ZBTB26: variants seen among roughly 807,000 people sequenced by gnomAD.
ZBTB26 encodes the protein zinc finger and BTB domain-containing protein 26.
Under a neutral mutation model 31.6 loss-of-function variants are expected in ZBTB26, and 12 were observed. That is an observed-to-expected ratio of 0.38 (90% CI 0.24 to 0.61). The LOEUF (loss-of-function observed/expected upper bound fraction) is 0.61, where lower values mean the gene tolerates loss of function less well. ZBTB26 is among the 20% of genes least tolerant of loss of function. ZBTB26 has a pLI of 0.60. For missense variants in ZBTB26, 311 were observed against 521.9 expected, an observed-to-expected ratio of 0.60 and a Z score of 3.94; for synonymous variants, 155 against 182.9, an observed-to-expected ratio of 0.85 and a Z score of 1.23.
Position 122,919,866 on chromosome 9 carries a change from C to A in ZBTB26, c.69G>T (p.Met23Ile), listed in dbSNP as rs1833070550. The part of the protein sequence containing the change: ...ENYGDSMLQK[M>I]NKLREENKFC... Reference sequence around the variant, plus strand: ...ATTTATTCTCTTCTCTTAATTTGTTCATTTTTTGTAACATTGAATCTCCAT... The same window carrying A: ...ATTTATTCTCTTCTCTTAATTTGTTAATTTTTTGTAACATTGAATCTCCAT... Residue 23 changes from methionine to isoleucine, a missense_variant, in exon 2 of 2, where the codon ATG becomes ATT. Physicochemically the swap from Met to Ile is conservative, Grantham distance 10. Coordinates refer to ENST00000373656, the MANE Select transcript of ZBTB26 (RefSeq NM_020924.4). The surrounding 1 kb of genome is among the most constrained non-coding windows in gnomAD (Gnocchi z 6.1). 2 of 1,612,108 alleles carry A rather than the reference C, an allele frequency of 1.2e-6. No individual in the cohort carries two copies. The highest frequency in any genetic ancestry group is 1.7e-5 in the Admixed American group (1 of 59,768).
chr9:122,924,257 T>C (rs1833144003), intron 1 of ZBTB26, among the ~76,000 whole-genome samples: 2 of 152,226 alleles, frequency 1.3e-5, no homozygotes, highest in Admixed American at 6.5e-5. Context: ...GCAAAATTTA[T>C]TGGTTTCTTA....
chr9:122,931,373 AG>A (rs1209330392), intron 1 of ZBTB26, 63 bp downstream of exon 1: 3 of 152,450 alleles, frequency 2.0e-5, no homozygotes, highest in Non-Finnish European at 4.4e-5. Context: ...CCAGGGCCCC[AG>A]GGGGGTTCCA....
At position 122,916,500 on chromosome 9, in the gene ZBTB26, A is replaced by G. The variant is rs1833018787; in HGVS notation, c.*2109T>C. On this transcript the variant is annotated 3_prime_UTR_variant, in exon 2 of 2. Coordinates refer to ENST00000373656, the MANE Select transcript of ZBTB26 (RefSeq NM_020924.4). Reference sequence around the variant, plus strand: ...GCCTTTTAGTCTTCAAACCAGTAACAAAAACAAGACATGAATGTGAGCAAA... The same window carrying G: ...GCCTTTTAGTCTTCAAACCAGTAACGAAAACAAGACATGAATGTGAGCAAA... 6.6e-6 allele frequency: 1 copy of G among 152,234 alleles called. No homozygotes were observed. Among genetic ancestry groups the G allele is most frequent in the Non-Finnish European group, 1.5e-5 (1 of 68,036 alleles). The allele number at this position is 152,234 out of a possible 1,614,324, so 9.4% of individuals were successfully genotyped here.
chr9:122,921,306 A>C (rs1289293093), intron 1 of ZBTB26, among the ~76,000 whole-genome samples: 7 of 152,254 alleles, frequency 4.6e-5, no homozygotes, highest in Non-Finnish European at 8.8e-5. Flanking sequence ...TGACATAATG[A>C]ATTGACATTC....
rs918484347 is a variant in ZBTB26, at chr9:122,917,981, G to A, written c.*628C>T. The A allele has an allele frequency of 3.3e-5, 5 of 152,570 alleles. No individual in the cohort carries two copies. The highest frequency in any genetic ancestry group is 1.2e-4 in the African/African-American group (5 of 41,446). The allele number at this position is 152,570 out of a possible 1,614,324, so 9.5% of individuals were successfully genotyped here. On this transcript the variant is annotated 3_prime_UTR_variant, in exon 2 of 2. Coordinates refer to ENST00000373656, the MANE Select transcript of ZBTB26 (RefSeq NM_020924.4). ...GCCTGCAGGTGTTCCTCAAGAGAGA[G>A]TACTCTGGTATATGTGAACAATTCA...
intron 1 of ZBTB26, among the ~76,000 whole-genome samples, chr9:122,929,942 C>T (rs1046283641): frequency 1.3e-5 from 2 of 152,118 alleles, no homozygotes; most frequent in Non-Finnish European, 2.9e-5. Context: ...TGCACTCCTA[C>T]ACTTTATTGC....
chr9:122,919,574 G>A lies in ZBTB26; in HGVS notation c.361C>T (p.Gln121Ter). ...GGCTTTATAAACTTCCACAGGGCCT[G>A]TGTGCACCGTTCTACAATGTGGCTC... Reference protein sequence around the residue: ...QMSHIVERCTQALWKFIKPKQ... With the variant: ...QMSHIVERCT The change falls in exon 2 of 2, where the codon CAG becomes TAG. Residue 121 changes from glutamine (Q) to a stop codon, truncating the protein, a stop_gained. Coordinates refer to ENST00000373656, the MANE Select transcript of ZBTB26 (RefSeq NM_020924.4). LOFTEE classifies it high-confidence loss of function. The surrounding 1 kb of genome is among the most constrained non-coding windows in gnomAD (Gnocchi z 6.1). The A allele has an allele frequency of 6.2e-7, 1 of 1,614,200 alleles. No individual in the cohort carries two copies. The highest frequency in any genetic ancestry group is 8.5e-7 in the Non-Finnish European group (1 of 1,180,030).
rs563934181 is a variant in ZBTB26, at chr9:122,928,121, C to T, written c.-11+3316G>A. ...ATGTGCTGGGATTATAGGCATGAAC[C>T]GCTGTGCCCGGCCCCTCCTGGCATT... is the stretch of plus-strand genomic sequence containing the variant. On this transcript the variant is annotated intron_variant, in intron 1 of 1. Coordinates refer to ENST00000373656, the MANE Select transcript of ZBTB26 (RefSeq NM_020924.4). Among the ~76,000 whole-genome samples the T allele has an allele frequency of 5.3e-5, 8 of 152,298 alleles. No homozygotes were observed. In the East Asian group the frequency reaches 9.6e-4, roughly 18 times the overall value.
In ZBTB26 at chr9:122,916,505, C is replaced by T. The variant is rs1371900245; in HGVS notation, c.*2104G>A. ...TTAGTCTTCAAACCAGTAACAAAAA[C>T]AAGACATGAATGTGAGCAAACGAAG... On this transcript the variant is annotated 3_prime_UTR_variant, in exon 2 of 2. Coordinates refer to ENST00000373656, the MANE Select transcript of ZBTB26 (RefSeq NM_020924.4). 6.6e-6 allele frequency: 1 copy of T among 152,152 alleles called. No individual in the cohort carries two copies. The highest frequency in any genetic ancestry group is 2.4e-5 in the African/African-American group (1 of 41,430). 9.4% of individuals were successfully genotyped at this position (152,152 alleles called of 1,614,324 possible). A position where few individuals can be genotyped will look rare whatever the true frequency, so the allele number is the denominator to read the frequency against.
chr9:122,931,442 C>G lies in ZBTB26; in HGVS notation c.-16G>C, dbSNP rs1165026034. The G allele has an allele frequency of 6.6e-6, 1 of 152,642 alleles. No individual in the cohort carries two copies. Among genetic ancestry groups the G allele is most frequent in the Non-Finnish European group, 1.5e-5 (1 of 68,348 alleles). The allele number at this position is 152,642 out of a possible 1,614,324, so 9.5% of individuals were successfully genotyped here. On this transcript the variant is annotated 5_prime_UTR_variant, in exon 1 of 2. Coordinates refer to ENST00000373656, the MANE Select transcript of ZBTB26 (RefSeq NM_020924.4). The stretch of plus-strand genomic sequence containing the variant: ...CCGGCCGTCTCCGCACTTACAGACC[C>G]GGGGGAAGGCCGCCGTCAGGATCCG...
chr9:122,919,567 A>G lies in ZBTB26; in HGVS notation c.368T>C (p.Leu123Pro). 6.2e-7 allele frequency: 1 copy of G among 1,614,192 alleles called. No homozygotes were observed. The highest frequency in any genetic ancestry group is 8.5e-7 in the Non-Finnish European group (1 of 1,180,036). ...TTGTTTTGGCTTTATAAACTTCCAC[A>G]GGGCCTGTGTGCACCGTTCTACAAT... Reference protein sequence around the residue: ...SHIVERCTQALWKFIKPKQPM... With the variant: ...SHIVERCTQAPWKFIKPKQPM... Residue 123 changes from leucine to proline, a missense_variant, in exon 2 of 2, where the codon CTG becomes CCG. Around this residue, in one of 5 missense-constraint regions of ZBTB26, gnomAD observed 207 missense variants for 298.6 expected, o/e 0.69. Coordinates refer to ENST00000373656, the MANE Select transcript of ZBTB26 (RefSeq NM_020924.4). The surrounding 1 kb of genome is among the most constrained non-coding windows in gnomAD (Gnocchi z 6.1).
chr9:122,918,626 T>C lies in ZBTB26; in HGVS notation c.1309A>G (p.Ser437Gly). The stretch of plus-strand genomic sequence containing the variant: ...GCCCCTACTCAATTCACACAAGTAC[T>C]ATCATTTCTTAAGTTCAGGACAGCT... ...AQAVLNLRND[S>G]TCVN Residue 437 changes from serine (S) to glycine (G), a missense_variant, in exon 2 of 2, where the codon AGT (serine) becomes GGT (glycine). Physicochemically the swap from Ser to Gly is moderately conservative, Grantham distance 56. This residue lies in a region of ZBTB26 where 49 missense variants were observed against 66.0 expected (regional missense o/e 0.74). Coordinates refer to ENST00000373656, the MANE Select transcript of ZBTB26 (RefSeq NM_020924.4). The C allele has an allele frequency of 1.2e-6, 2 of 1,613,094 alleles. No homozygotes were observed. Among genetic ancestry groups the C allele is most frequent in the Non-Finnish European group, 1.7e-6 (2 of 1,179,594 alleles).
chr9:122,918,767 C>T lies in ZBTB26; in HGVS notation c.1168G>A (p.Val390Ile), dbSNP rs764523874. 6.2e-7 allele frequency: 1 copy of T among 1,614,182 alleles called. No homozygotes were observed. The highest frequency in any genetic ancestry group is 8.5e-7 in the Non-Finnish European group (1 of 1,180,024). The stretch of plus-strand genomic sequence containing the variant: ...TCAAAATCCACTGTGAGGTCTTGTA[C>T]ATTTCTCTCATTGGCATTATCAAAG... ...NSFDNANERN[V>I]QDLTVDFDSF... The change falls in exon 2 of 2, where the codon GTA (valine) becomes ATA (isoleucine). Residue 390 changes from valine to isoleucine, a missense_variant. Around this residue, in one of 5 missense-constraint regions of ZBTB26, gnomAD observed 49 missense variants for 66.0 expected, o/e 0.74. Transcript: ENST00000373656.
At chr9:122,923,368 G>GATGT (rs34329303) in intron 1 of ZBTB26, among the ~76,000 whole-genome samples, 1 of 15,470 alleles carries the variant, frequency 6.5e-5, no homozygotes, top group Non-Finnish European at 7.1e-4. Flanking sequence ...TGCATTGAGA[G>GATGT]AGGAGCGATG....
chr9:122,926,761 C>G (rs1833189055), intron 1 of ZBTB26, among the ~76,000 whole-genome samples: 1 of 152,168 alleles, frequency 6.6e-6, no homozygotes, highest in South Asian at 2.1e-4. Flanking sequence ...ATGCCTTTAT[C>G]CTTATTATAC....
intron 1 of ZBTB26, among the ~76,000 whole-genome samples, chr9:122,922,127 A>G (rs575303712): frequency 1.3e-5 from 2 of 151,846 alleles, no homozygotes; most frequent in Admixed American, 1.3e-4. Flanking sequence ...AGTCCCAGCT[A>G]CTCAGGAGGC....
At chr9:122,928,036 T>C (rs563273591) in intron 1 of ZBTB26, among the ~76,000 whole-genome samples, 1 of 152,100 alleles carries the variant, frequency 6.6e-6, no homozygotes, top group Non-Finnish European at 1.5e-5. Context: ...GGTTTCACCA[T>C]GTTGGCCAGG....
chr9:122,918,666 T>C lies in ZBTB26; in HGVS notation c.1269A>G (p.Ala423=), dbSNP rs897876874. The change falls in exon 2 of 2, where the codon GCA becomes GCG. Residue 423 remains alanine, a synonymous_variant. Coordinates refer to ENST00000373656, the MANE Select transcript of ZBTB26 (RefSeq NM_020924.4). ...PQPDATQVLD[A]GKLAQAVLNL... ...TCAGGACAGCTTGGGCCAGTTTACC[T>C]GCATCCAGGACCTGTGTTGCATCGG... 2.5e-6 allele frequency: 4 copies of C among 1,614,128 alleles called. No individual in the cohort carries two copies. The African/African-American group carries it at 4.0e-5, about 16-fold the overall frequency.
chr9:122,922,097 G>T (rs557011382), intron 1 of ZBTB26, among the ~76,000 whole-genome samples: 7 of 151,080 alleles, frequency 4.6e-5, no homozygotes, highest in Non-Finnish European at 1.0e-4. Context: ...AATTACCCAG[G>T]TGTGGTGGCA....
Sources: gnomAD v4.1 joint callset for allele counts (sites outside exome capture counted in the v4.1 genomes callset) on GRCh38, gnomAD v4.1.1 for gene constraint, gnomAD v4.1.1 regional missense constraint, Gnocchi (gnomAD v3.1) non-coding constraint, MANE v1.5 for transcripts, NCBI Gene and HGNC (gene_info 2026-07-23, HGNC 2026-07-21) for gene names.